GMDS: variants seen among roughly 807,000 people sequenced by gnomAD.
GMDS encodes GDP-mannose 4,6 dehydratase.
In GMDS, 20 loss-of-function variants were observed where a neutral mutation model predicts 49.9. The observed-to-expected ratio is 0.40, with a 90% CI of 0.28 to 0.58. The LOEUF (loss-of-function observed/expected upper bound fraction) is 0.58, where lower values mean the gene tolerates loss of function less well. Among genes scored for constraint, GMDS ranks in the 20% least tolerant of loss-of-function variants. The pLI, the probability that GMDS is intolerant of heterozygous loss-of-function variation, is 0.42. For missense variants in GMDS, 362 were observed against 481.4 expected, an observed-to-expected ratio of 0.75 and a Z score of 2.32; for synonymous variants, 177 against 178.6, an observed-to-expected ratio of 0.99 and a Z score of 0.07.
intron 4 of GMDS, among the ~76,000 whole-genome samples, chr6:1,990,608 C>T (rs149165009): frequency 4.6e-5 from 7 of 152,278 alleles, no homozygotes; most frequent in Admixed American, 4.6e-4. Flanking sequence ...GACAGGGTCT[C>T]TTGTCACCTA....
At chr6:1,971,275 T>C (rs1764596599) in intron 4 of GMDS, among the ~76,000 whole-genome samples, 1 of 152,158 alleles carries the variant, frequency 6.6e-6, no homozygotes, top group African/African-American at 2.4e-5. Flanking sequence ...ACTCCCAGCC[T>C]CTTCTATTTG....
chr6:1,876,838 T>C (rs1759093444), intron 7 of GMDS, among the ~76,000 whole-genome samples: 1 of 152,240 alleles, frequency 6.6e-6, no homozygotes, highest in South Asian at 2.1e-4. Context: ...AATTCTCCTA[T>C]GTAAAGAGGT....
intron 9 of GMDS, among the ~76,000 whole-genome samples, chr6:1,627,445 C>T (rs763965675): frequency 1.3e-5 from 2 of 152,132 alleles, no homozygotes; most frequent in Non-Finnish European, 2.9e-5. Flanking sequence ...ACAACGGGGT[C>T]CAAACTGCTG....
At chr6:1,674,560 C>CTTTTTTTTTT (rs869292549) in intron 9 of GMDS, among the ~76,000 whole-genome samples, 19 of 73,456 alleles carry the variant, frequency 2.6e-4, no homozygotes, top group South Asian at 6.9e-4. Context: ...CTCTCTCTCT[C>CTTTTTTTTTT]TTTTTTTTTT....
At chr6:1,901,625 T>C (rs978651224) in intron 7 of GMDS, among the ~76,000 whole-genome samples, 3 of 152,210 alleles carry the variant, frequency 2.0e-5, no homozygotes, top group African/African-American at 7.2e-5. Flanking sequence ...TTTGTTGCTC[T>C]TTCCCACAAG....
intron 1 of GMDS, among the ~76,000 whole-genome samples, chr6:2,181,819 T>C (rs184989282): frequency 2.6e-5 from 4 of 152,268 alleles, no homozygotes; most frequent in Non-Finnish European, 4.4e-5. Context: ...AAAAACAACA[T>C]TGAAATTAGA....
intron 7 of GMDS, among the ~76,000 whole-genome samples, chr6:1,763,430 G>A (rs1405693238): frequency 6.6e-6 from 1 of 152,208 alleles, no homozygotes; most frequent in Non-Finnish European, 1.5e-5. Flanking sequence ...GTCTCCCCAA[G>A]AGTAAACCTA....
intron 1 of GMDS, among the ~76,000 whole-genome samples, chr6:2,210,845 A>G (rs569103510): frequency 6.6e-6 from 1 of 152,276 alleles, no homozygotes; most frequent in Non-Finnish European, 1.5e-5. Flanking sequence ...TTGAATTGTA[A>G]TTCCCAGCAC....
chr6:2,065,219 G>T (rs150283934), intron 4 of GMDS, among the ~76,000 whole-genome samples: 1 of 151,960 alleles, frequency 6.6e-6, no homozygotes, highest in African/African-American at 2.4e-5. Flanking sequence ...GGTCCTGTCT[G>T]TTAGAGGGAA....
At position 1,833,598 on chromosome 6, in the gene GMDS, A is replaced by G. The variant is rs1188208973; in HGVS notation, c.772-91012T>C. 6.6e-6 allele frequency among the ~76,000 whole-genome samples: 1 copy of G among 152,122 alleles called. No individual in the cohort carries two copies. Among genetic ancestry groups the G allele is most frequent in the Non-Finnish European group, 1.5e-5 (1 of 68,022 alleles). On this transcript the variant is annotated intron_variant, in intron 7 of 10. Coordinates refer to ENST00000380815, the MANE Select transcript of GMDS (RefSeq NM_001500.4). The surrounding 1 kb of genome is among the most constrained non-coding windows in gnomAD (Gnocchi z 4.4). Reference sequence around the variant, plus strand: ...TTAAATTGTAAATTACTTGAGAGAGAAATGTTTAGACTCATGACAAGTCTT... The same window carrying G: ...TTAAATTGTAAATTACTTGAGAGAGGAATGTTTAGACTCATGACAAGTCTT...
At chr6:1,889,558 C>G (rs937817984) in intron 7 of GMDS, among the ~76,000 whole-genome samples, 1 of 152,154 alleles carries the variant, frequency 6.6e-6, no homozygotes, top group Non-Finnish European at 1.5e-5. Context: ...GACCTCTCTC[C>G]CAAGTTCCAA....
At chr6:1,976,539 G>A (rs900668121) in intron 4 of GMDS, among the ~76,000 whole-genome samples, 2 of 152,156 alleles carry the variant, frequency 1.3e-5, no homozygotes, top group African/African-American at 4.8e-5. Context: ...CTCTGTAGAT[G>A]CCTTTTTCTA....
intron 1 of GMDS, among the ~76,000 whole-genome samples, chr6:2,170,008 A>G (rs538411726): frequency 2.6e-5 from 4 of 152,220 alleles, no homozygotes; most frequent in Admixed American, 2.0e-4. Context: ...GTTCACGACC[A>G]GCCTGACCAA....
chr6:1,928,893 T>C lies in GMDS; in HGVS notation c.771+1210A>G, dbSNP rs192500025. Among the ~76,000 whole-genome samples the C allele has an allele frequency of 2.3e-3, 349 of 152,122 alleles. 8 individuals carry two copies. Among genetic ancestry groups the C allele is most frequent in the Admixed American group, 0.023 (348 of 15,278 alleles). On this transcript the variant is annotated intron_variant, in intron 7 of 10. Transcript: ENST00000380815. ...CTGAGGCAGGAGAATCGCTTGAACC[T>C]GGGAGGCCGAGGTTGTAGTGAGGCG...
chr6:1,680,378 C>T (rs1351141168), intron 9 of GMDS, among the ~76,000 whole-genome samples: 2 of 152,182 alleles, frequency 1.3e-5, no homozygotes, highest in African/African-American at 2.4e-5. Context: ...ATAAACAGGG[C>T]CTGACCCCTA....
At chr6:1,849,243 A>T (rs1046262161) in intron 7 of GMDS, among the ~76,000 whole-genome samples, 2 of 152,254 alleles carry the variant, frequency 1.3e-5, no homozygotes, top group African/African-American at 4.8e-5. Flanking sequence ...CCAATGCTAG[A>T]TGCTTAATAA....
chr6:2,149,432 T>C (rs1379636297), intron 1 of GMDS, among the ~76,000 whole-genome samples: 1 of 152,154 alleles, frequency 6.6e-6, no homozygotes, highest in African/African-American at 2.4e-5. Context: ...AGAACTCCCA[T>C]GAACAGGCAC....
chr6:2,237,161 A>C (rs1454185229), intron 1 of GMDS, among the ~76,000 whole-genome samples: 2 of 152,234 alleles, frequency 1.3e-5, no homozygotes, highest in African/African-American at 4.8e-5. Flanking sequence ...TACATAAGTA[A>C]ATGCCAAAAT....
chr6:1,989,436 G>C (rs1484782043), intron 4 of GMDS, among the ~76,000 whole-genome samples: 1 of 152,206 alleles, frequency 6.6e-6, no homozygotes, highest in African/African-American at 2.4e-5. Context: ...GGGTAACCCT[G>C]AGATCCCCAA....
Sources: gnomAD v4.1 joint callset for allele counts (sites outside exome capture counted in the v4.1 genomes callset) on GRCh38, gnomAD v4.1.1 for gene constraint, Gnocchi (gnomAD v3.1) non-coding constraint, MANE v1.5 for transcripts, NCBI Gene and HGNC (gene_info 2026-07-23, HGNC 2026-07-21) for gene names.